Variants in LYRM2 observed in about 807,000 individuals in gnomAD.
The protein encoded by LYRM2 is LYR motif-containing protein 2.
LYRM2 carries 8 observed loss-of-function variants against 11.6 expected under a neutral mutation model. That is an observed-to-expected ratio of 0.69 (90% CI 0.40 to 1.24). The LOEUF is 1.24. Ranked by LOEUF, LYRM2 falls within the 50% of genes most tolerant of loss-of-function variation. The pLI, the probability that LYRM2 is intolerant of heterozygous loss-of-function variation, is 0.01. For synonymous variants in LYRM2, 30 were observed against 36.4 expected, an observed-to-expected ratio of 0.83 and a Z score of 0.63; for missense variants, 117 against 102.9, an observed-to-expected ratio of 1.14 and a Z score of -0.59.
At position 89,637,769 on chromosome 6, in the gene LYRM2, G is replaced by T; in HGVS notation, c.159C>A (p.Phe53Leu). 2 of 1,613,852 alleles carry T rather than the reference G, an allele frequency of 1.2e-6. No individual in the cohort carries two copies. The highest frequency in any genetic ancestry group is 1.7e-6 in the Non-Finnish European group (2 of 1,179,878). Residue 53 changes from phenylalanine to leucine, a missense_variant, in exon 2 of 3, where the codon TTC becomes TTA. Transcript: ENST00000523377. The part of the protein sequence containing the change: ...KYLKDWAREE[F>L]RRNKSATEED... ...CTTCGGTGGCACTTTTGTTTCTTCT[G>T]AATTCTTCTCTTGCCCAATCTTTCA...
chr6:89,637,877 T>A lies in LYRM2; in HGVS notation c.51A>T (p.Val17=), dbSNP rs746814594. 3.7e-6 allele frequency: 6 copies of A among 1,613,312 alleles called. No homozygotes were observed. The highest frequency in any genetic ancestry group is 3.3e-5 in the Admixed American group (2 of 59,936). ...AGAGGAGAAGAACTTGTTGCCTTCT[T>A]ACGAACTGTAAAAGGGAGGAGTAAA... ...PPATLTLKQF[V]RRQQVLLLYR... The change falls in exon 2 of 3, where the codon GTA becomes GTT. Residue 17 remains valine, a synonymous_variant. Coordinates refer to ENST00000523377, the MANE Select transcript of LYRM2 (RefSeq NM_020466.5).
chr6:89,637,566 A>G (rs1210420978), intron 2 of LYRM2, among the ~76,000 whole-genome samples, 176 bp downstream of exon 2: 2 of 152,036 alleles, frequency 1.3e-5, no homozygotes, highest in Non-Finnish European at 2.9e-5. Context: ...TTATCTACAT[A>G]TTTTAAAATA....
chr6:89,638,010 CTTTTT>C, intron 1 of LYRM2, 128 bp from the exon 2 acceptor site: 1 of 1,026,112 alleles, frequency 9.7e-7, no homozygotes, highest in Admixed American at 2.5e-5. Flanking sequence ...CAAAGAAAAA[CTTTTT>C]TTTTTCTTTT....
In LYRM2 at chr6:89,638,565, C is replaced by T. The variant is rs1169433036; in HGVS notation, c.45+107G>A. 5 of 1,594,844 alleles carry T rather than the reference C, an allele frequency of 3.1e-6. No individual in the cohort carries two copies. In the Admixed American group the frequency reaches 8.5e-5, roughly 27 times the overall value. ...CATCGGGCCAATCTCAGAGGGCGCG[C>T]ACGCCGCATCAGGACCCCGGAACCC... On this transcript the variant is annotated intron_variant, in intron 1 of 2. Transcript: ENST00000523377.
chr6:89,638,555 A>C, intron 1 of LYRM2, 117 bp downstream of exon 1: 1 of 1,590,980 alleles, frequency 6.3e-7, no homozygotes, highest in Non-Finnish European at 8.6e-7. Flanking sequence ...GGCCAATCTC[A>C]GAGGGCGCGC....
Position 89,637,678 on chromosome 6 carries a change from A to G in LYRM2, c.186+64T>C. The G allele has an allele frequency of 1.3e-6, 2 of 1,560,592 alleles. 1 individual carries two copies. Among genetic ancestry groups the G allele is most frequent in the Middle Eastern group, 4.3e-4 (2 of 4,668 alleles). ...ATTCCAAGATGTCTGCTAAACTTAA[A>G]AAAAAAAATTCACTGATCAATAAAA... On this transcript the variant is annotated intron_variant, in intron 2 of 2. Coordinates refer to ENST00000523377, the MANE Select transcript of LYRM2 (RefSeq NM_020466.5).
chr6:89,634,558 A>G lies in LYRM2; in HGVS notation c.*2715T>C, dbSNP rs1280021421. 3 of 152,108 alleles carry G rather than the reference A, an allele frequency of 2.0e-5. No homozygotes were observed. Among genetic ancestry groups the G allele is most frequent in the Admixed American group, 6.5e-5 (1 of 15,276 alleles). 9.4% of individuals were successfully genotyped at this position (152,108 alleles called of 1,614,324 possible). Reference sequence around the variant, plus strand: ...CCCCTCCTCTCTCTGAAAAGTAAAAAAAATTAGCCGGTCATGGTGGCACAT... The same window carrying G: ...CCCCTCCTCTCTCTGAAAAGTAAAAGAAATTAGCCGGTCATGGTGGCACAT... On this transcript the variant is annotated 3_prime_UTR_variant, in exon 3 of 3. Coordinates refer to ENST00000523377, the MANE Select transcript of LYRM2 (RefSeq NM_020466.5).
chr6:89,638,270 ACC>A (rs1267054975), intron 1 of LYRM2: 2 of 1,141,586 alleles, frequency 1.8e-6, no homozygotes, highest in Admixed American at 4.5e-5. Flanking sequence ...GGAGCTGCCT[ACC>A]GGGCTGAAAA....
At chr6:89,638,590 C>G (rs1808087857) in intron 1 of LYRM2, 82 bp downstream of exon 1, 1 of 1,602,618 alleles carries the variant, frequency 6.2e-7, no homozygotes. Context: ...CCCCGGAACC[C>G]GCCCCGTTGG....
In LYRM2 at chr6:89,634,133, CATT is replaced by C. The variant is rs1382556395; in HGVS notation, c.*3137_*3139del. The stretch of plus-strand genomic sequence containing the variant: ...TTAAAGGTTATGCAAGGCAAGGCAA[CATT>C]ATACTTTTTGACTAAGTTATTAAAA... On this transcript the variant is annotated 3_prime_UTR_variant, in exon 3 of 3. Coordinates refer to ENST00000523377, the MANE Select transcript of LYRM2 (RefSeq NM_020466.5). 2 of 152,212 alleles carry C rather than the reference CATT, an allele frequency of 1.3e-5. No individual in the cohort carries two copies. The highest frequency in any genetic ancestry group is 3.8e-4 in the East Asian group (2 of 5,206). The allele number at this position is 152,212 out of a possible 1,614,324, so 9.4% of individuals were successfully genotyped here.
At position 89,636,682 on chromosome 6, in the gene LYRM2, T is replaced by TC. The variant is rs947842186; in HGVS notation, c.*590_*591insG. 1 of 145,232 alleles carries TC rather than the reference T, an allele frequency of 6.9e-6. No homozygotes were observed. The highest frequency in any genetic ancestry group is 1.5e-5 in the Non-Finnish European group (1 of 66,468). The allele number at this position is 145,232 out of a possible 1,614,324, so 9.0% of individuals were successfully genotyped here. On this transcript the variant is annotated 3_prime_UTR_variant, in exon 3 of 3. Coordinates refer to ENST00000523377, the MANE Select transcript of LYRM2 (RefSeq NM_020466.5). ...TAGTGAATGTGAATCTCAGGGTTGTTTTTTTTTTTTTTTTTTAGAGACTGT... is the reference window on the plus strand; with the variant it reads ...TAGTGAATGTGAATCTCAGGGTTGTTCTTTTTTTTTTTTTTTTAGAGACTGT...
rs765566928 is a variant in LYRM2 at position 89,637,778 on chromosome 6, T to G, written c.150A>C (p.Arg50Ser). 5 of 1,614,124 alleles carry G rather than the reference T, an allele frequency of 3.1e-6. No individual in the cohort carries two copies. Among genetic ancestry groups the G allele is most frequent in the Non-Finnish European group, 4.2e-6 (5 of 1,179,974 alleles). The stretch of plus-strand genomic sequence containing the variant: ...CACTTTTGTTTCTTCTGAATTCTTC[T>G]CTTGCCCAATCTTTCAGGTATTTGC... ...SDRKYLKDWA[R>S]EEFRRNKSAT... The change falls in exon 2 of 3, where the codon AGA becomes AGC. Residue 50 changes from arginine (R) to serine (S), a missense_variant. Physicochemically the swap from Arg to Ser is moderately radical, Grantham distance 110 (BLOSUM62 -1). Transcript: ENST00000523377.
At chr6:89,638,454 G>T in intron 1 of LYRM2, 1 of 1,461,382 alleles carries the variant, frequency 6.8e-7, no homozygotes, top group Admixed American at 2.7e-5. Flanking sequence ...TCAAGCGCCT[G>T]ACGCTGTCTC....
Position 89,634,060 on chromosome 6 carries a change from T to C in LYRM2, c.*3213A>G, listed in dbSNP as rs1422706878. 6.6e-6 allele frequency: 1 copy of C among 152,170 alleles called. No homozygotes were observed. Among genetic ancestry groups the C allele is most frequent in the African/African-American group, 2.4e-5 (1 of 41,392 alleles). 9.4% of individuals were successfully genotyped at this position (152,170 alleles called of 1,614,324 possible). A position where few individuals can be genotyped will look rare whatever the true frequency, so the allele number is the denominator to read the frequency against. On this transcript the variant is annotated 3_prime_UTR_variant, in exon 3 of 3. Transcript: ENST00000523377. ...CTTAAATGTTTAAACTGTTGACCAT[T>C]TGGAAAATACTGGACAAAGGGGAAG...
Position 89,635,795 on chromosome 6 carries a change from CTCTT to C in LYRM2, c.*1474_*1477del, listed in dbSNP as rs1193860723. The C allele has an allele frequency of 2.0e-5, 3 of 152,092 alleles. No homozygotes were observed. Among genetic ancestry groups the C allele is most frequent in the Non-Finnish European group, 4.4e-5 (3 of 68,026 alleles). The allele number at this position is 152,092 out of a possible 1,614,324, so 9.4% of individuals were successfully genotyped here. On this transcript the variant is annotated 3_prime_UTR_variant, in exon 3 of 3. Transcript: ENST00000523377. ...TTGTCTCTGACGTATTCTTCAAATT[CTCTT>C]TGTTTTTTTTCCTGTCATTGGAGAA... is the stretch of plus-strand genomic sequence containing the variant.
Position 89,636,983 on chromosome 6 carries a change from A to C in LYRM2, c.*290T>G, listed in dbSNP as rs941766285. The C allele has an allele frequency of 2.8e-5, 7 of 246,270 alleles. No homozygotes were observed. Among genetic ancestry groups the C allele is most frequent in the Admixed American group, 5.6e-5 (1 of 17,970 alleles). 15.3% of individuals were successfully genotyped at this position (246,270 alleles called of 1,614,324 possible). On this transcript the variant is annotated 3_prime_UTR_variant, in exon 3 of 3. Transcript: ENST00000523377. ...AGCATGAGCCACTACACCCGACCTCATAGTAGTTTTGATTTACACTTCCCT... is the reference window on the plus strand; with the variant it reads ...AGCATGAGCCACTACACCCGACCTCCTAGTAGTTTTGATTTACACTTCCCT...
rs553741718 is a variant in LYRM2 at position 89,636,977 on chromosome 6, G to C, written c.*296C>G. ...ATTACAAGCATGAGCCACTACACCC[G>C]ACCTCATAGTAGTTTTGATTTACAC... On this transcript the variant is annotated 3_prime_UTR_variant, in exon 3 of 3. Coordinates refer to ENST00000523377, the MANE Select transcript of LYRM2 (RefSeq NM_020466.5). 1 of 226,258 alleles carries C rather than the reference G, an allele frequency of 4.4e-6. No individual in the cohort carries two copies. The highest frequency in any genetic ancestry group is 5.7e-5 in the Admixed American group (1 of 17,464). 14.0% of individuals were successfully genotyped at this position (226,258 alleles called of 1,614,324 possible).
At position 89,634,942 on chromosome 6, in the gene LYRM2, T is replaced by C. The variant is rs1807948865; in HGVS notation, c.*2331A>G. On this transcript the variant is annotated 3_prime_UTR_variant, in exon 3 of 3. Coordinates refer to ENST00000523377, the MANE Select transcript of LYRM2 (RefSeq NM_020466.5). Reference sequence around the variant, plus strand: ...GAATTACAGGCACGTGCCACCAGGTTAGGCTAGCTAGTGGCCTAGCTAGTC... The same window carrying C: ...GAATTACAGGCACGTGCCACCAGGTCAGGCTAGCTAGTGGCCTAGCTAGTC... 1.3e-5 allele frequency: 2 copies of C among 152,108 alleles called. No homozygotes were observed. Among genetic ancestry groups the C allele is most frequent in the Non-Finnish European group, 2.9e-5 (2 of 68,024 alleles). 9.4% of individuals were successfully genotyped at this position (152,108 alleles called of 1,614,324 possible).
rs1807915675 is a variant in LYRM2 at position 89,634,347 on chromosome 6, C to T, written c.*2926G>A. 6.6e-6 allele frequency: 1 copy of T among 151,824 alleles called. No homozygotes were observed. The highest frequency in any genetic ancestry group is 1.5e-5 in the Non-Finnish European group (1 of 67,960). 9.4% of individuals were successfully genotyped at this position (151,824 alleles called of 1,614,324 possible). A position where few individuals can be genotyped will look rare whatever the true frequency, so the allele number is the denominator to read the frequency against. On this transcript the variant is annotated 3_prime_UTR_variant, in exon 3 of 3. Transcript: ENST00000523377. ...GATACGACTATAATATTATAAACAG[C>T]AAGGAATATGTTCTGCTTTCTGCAA... is the stretch of plus-strand genomic sequence containing the variant.
Sources: allele counts gnomAD v4.1 joint callset (sites outside exome capture counted in the v4.1 genomes callset), GRCh38; gene constraint gnomAD v4.1.1; transcripts MANE v1.5; gene names NCBI Gene and HGNC (gene_info 2026-07-23, HGNC 2026-07-21).